The following TMEM178B variants were observed in gnomAD, a reference collection of about 807,000 sequenced individuals.
The protein encoded by TMEM178B is transmembrane protein 178B.
In TMEM178B, 5 loss-of-function variants were observed where a neutral mutation model predicts 31.0. That is an observed-to-expected ratio of 0.16 (90% CI 0.08 to 0.34). TMEM178B has a LOEUF of 0.34. Ranked by LOEUF, TMEM178B falls within the 10% of genes least tolerant of loss-of-function variation. TMEM178B has a pLI of 1.00. For missense variants in TMEM178B, 275 were observed against 400.3 expected, an observed-to-expected ratio of 0.69 and a Z score of 2.67; for synonymous variants, 164 against 164.0, an observed-to-expected ratio of 1.00 and a Z score of 0.00.
intron 2 of TMEM178B, among the ~76,000 whole-genome samples, chr7:141,424,266 C>A (rs540570600): frequency 6.6e-6 from 1 of 152,260 alleles, no homozygotes; most frequent in East Asian, 1.9e-4. Flanking sequence ...GCAATGGTGG[C>A]CCTGACACTT....
chr7:141,158,145 G>C (rs1796104935), intron 1 of TMEM178B, among the ~76,000 whole-genome samples: 1 of 152,106 alleles, frequency 6.6e-6, no homozygotes, highest in African/African-American at 2.4e-5. Flanking sequence ...GCCCAGGCTG[G>C]AGTGCAGTGG....
intron 2 of TMEM178B, among the ~76,000 whole-genome samples, chr7:141,365,717 G>A (rs144274870): frequency 6.6e-6 from 1 of 152,200 alleles, no homozygotes; most frequent in Non-Finnish European, 1.5e-5. Flanking sequence ...CTGTCTGCAG[G>A]TGTCTGTCTG....
At chr7:141,239,201 A>G (rs950573796) in intron 2 of TMEM178B, among the ~76,000 whole-genome samples, 1 of 152,158 alleles carries the variant, frequency 6.6e-6, no homozygotes, top group African/African-American at 2.4e-5. Context: ...TTTTGCTGTA[A>G]TGTGTTCTTC....
chr7:141,312,440 G>C (rs948623609), intron 2 of TMEM178B, among the ~76,000 whole-genome samples: 2 of 152,204 alleles, frequency 1.3e-5, no homozygotes, highest in African/African-American at 4.8e-5. Context: ...GGCTAACAAA[G>C]AGAAAGCACT....
At chr7:141,419,345 C>T (rs1423674870) in intron 2 of TMEM178B, among the ~76,000 whole-genome samples, 2 of 152,210 alleles carry the variant, frequency 1.3e-5, no homozygotes, top group East Asian at 1.9e-4. Context: ...TTTTCCCCAT[C>T]ATCCAAACCA....
intron 2 of TMEM178B, among the ~76,000 whole-genome samples, chr7:141,418,021 C>A (rs1558212): frequency 0.29 from 43,490 of 151,950 alleles, 6,602 homozygotes; most frequent in Non-Finnish European, 0.33. Context: ...CCAGGAAGAG[C>A]TTCCCTCAGT....
intron 1 of TMEM178B, among the ~76,000 whole-genome samples, chr7:141,113,427 C>T (rs1795267095): frequency 6.6e-6 from 1 of 152,216 alleles, no homozygotes. Context: ...TTGGACTAGA[C>T]AGGCATGGAA....
intron 2 of TMEM178B, among the ~76,000 whole-genome samples, chr7:141,414,080 T>TATGGCTGTGTAATAGCTCATAA (rs1586944675): frequency 5.7e-5 from 3 of 52,668 alleles, no homozygotes; most frequent in African/African-American, 1.1e-4. Context: ...ACATCATTTT[T>TATGGCTGTGTAATAGCTCATAA]TTTTTTTTTT....
intron 1 of TMEM178B, among the ~76,000 whole-genome samples, chr7:141,095,234 C>G (rs932715883): frequency 5.3e-5 from 8 of 152,130 alleles, no homozygotes; most frequent in Non-Finnish European, 1.0e-4. Flanking sequence ...GTTAGTGGAG[C>G]AGGTGGTGTA....
intron 1 of TMEM178B, among the ~76,000 whole-genome samples, chr7:141,146,953 T>G (rs1391234279): frequency 6.6e-6 from 1 of 152,188 alleles, no homozygotes; most frequent in African/African-American, 2.4e-5. Context: ...ATCTGTGTAT[T>G]TCTATGGGTG....
At chr7:141,454,908 C>A (rs570858713) in intron 3 of TMEM178B, among the ~76,000 whole-genome samples, 25 of 152,090 alleles carry the variant, frequency 1.6e-4, no homozygotes, top group African/African-American at 5.5e-4. Flanking sequence ...CTCGAATAAA[C>A]CCCCGAGAGG....
At chr7:141,099,121 G>A (rs143898459) in intron 1 of TMEM178B, among the ~76,000 whole-genome samples, 1 of 152,184 alleles carries the variant, frequency 6.6e-6, no homozygotes, top group Non-Finnish European at 1.5e-5. Context: ...GGAGATCCCA[G>A]CCTCCTCCTT....
intron 2 of TMEM178B, among the ~76,000 whole-genome samples, chr7:141,291,057 G>C (rs142502389): frequency 3.3e-4 from 51 of 152,322 alleles, no homozygotes; most frequent in Admixed American, 9.1e-4. Context: ...ATTGTCAGCA[G>C]GACAAGGCAG....
intron 3 of TMEM178B, among the ~76,000 whole-genome samples, chr7:141,460,315 G>A (rs529924352): frequency 7.2e-5 from 11 of 152,280 alleles, no homozygotes; most frequent in South Asian, 2.1e-4. Flanking sequence ...GTCCCTCTGC[G>A]TGTGCACGCA....
At chr7:141,388,793 G>A (rs1053351979) in intron 2 of TMEM178B, among the ~76,000 whole-genome samples, 3 of 152,182 alleles carry the variant, frequency 2.0e-5, no homozygotes, top group African/African-American at 4.8e-5. Flanking sequence ...TTTATATAGG[G>A]TCAGAAGACT....
At chr7:141,080,795 G>A (rs1486949609) in intron 1 of TMEM178B, among the ~76,000 whole-genome samples, 1 of 152,186 alleles carries the variant, frequency 6.6e-6, no homozygotes, top group Non-Finnish European at 1.5e-5. Context: ...AAGACAGACT[G>A]CAGTGGTCTC....
intron 1 of TMEM178B, among the ~76,000 whole-genome samples, chr7:141,117,901 T>C (rs1057134522): frequency 2.6e-5 from 4 of 152,224 alleles, no homozygotes; most frequent in Non-Finnish European, 5.9e-5. Context: ...CATGCTGTTT[T>C]GGTTACTGTA....
intron 2 of TMEM178B, among the ~76,000 whole-genome samples, chr7:141,420,737 A>G (rs943295232): frequency 3.9e-5 from 6 of 152,162 alleles, no homozygotes; most frequent in Admixed American, 6.5e-5. Flanking sequence ...CAAACCTGTT[A>G]TCATTGATTT....
intron 1 of TMEM178B, among the ~76,000 whole-genome samples, chr7:141,210,509 C>T (rs1289878278): frequency 6.6e-6 from 1 of 152,072 alleles, no homozygotes; most frequent in Non-Finnish European, 1.5e-5. Flanking sequence ...GATGGCAATG[C>T]CTACTTAATG....
Sources: allele counts gnomAD v4.1 joint callset (sites outside exome capture counted in the v4.1 genomes callset), GRCh38; gene constraint gnomAD v4.1.1; transcripts MANE v1.5; gene names NCBI Gene and HGNC (gene_info 2026-07-23, HGNC 2026-07-21).